The following CRPPA variants were observed in gnomAD, a reference collection of about 807,000 sequenced individuals.
CRPPA encodes the protein D-ribitol-5-phosphate cytidylyltransferase.
CRPPA carries 43 observed loss-of-function variants against 52.0 expected under a neutral mutation model. The ratio of observed to expected loss-of-function variants is 0.83; its 90% CI spans 0.65 to 1.07. The LOEUF (loss-of-function observed/expected upper bound fraction) is 1.07, where lower values mean the gene tolerates loss of function less well. Among genes scored for constraint, CRPPA ranks in the 50% least tolerant of loss-of-function variants. The pLI is 0.00. For missense variants in CRPPA, 629 were observed against 551.7 expected, an observed-to-expected ratio of 1.14 and a Z score of -1.40; for synonymous variants, 250 against 203.5, an observed-to-expected ratio of 1.23 and a Z score of -1.94.
At position 16,421,235 on chromosome 7, in the gene CRPPA, C is replaced by A. The variant is rs1379380979; in HGVS notation, c.88G>T (p.Ala30Ser). The change falls in exon 1 of 10, where the codon GCC becomes TCC. Residue 30 changes from alanine to serine, a missense_variant. Ala to Ser is a moderately conservative substitution (Grantham distance 99). Transcript: ENST00000407010. ...GQRGADHTASASLQSVAGTEP... is the reference protein window; with the variant it reads ...GQRGADHTASSSLQSVAGTEP... The stretch of plus-strand genomic sequence containing the variant: ...GTCCCGGCCACGCTCTGCAGGGAGG[C>A]GGAAGCCGTGTGGTCCGCGCCGCGC... 3.0e-6 allele frequency: 4 copies of A among 1,330,330 alleles called. No individual in the cohort carries two copies. Among genetic ancestry groups the A allele is most frequent in the Non-Finnish European group, 1.9e-6 (2 of 1,033,028 alleles). 82.4% of individuals were successfully genotyped at this position (1,330,330 alleles called of 1,614,324 possible).
intron 3 of CRPPA, among the ~76,000 whole-genome samples, chr7:16,347,535 A>G (rs1206633476): frequency 6.6e-6 from 1 of 152,150 alleles, no homozygotes; most frequent in Non-Finnish European, 1.5e-5. Flanking sequence ...TATAGTCAAG[A>G]AGCAGTCAGG....
intron 9 of CRPPA, among the ~76,000 whole-genome samples, chr7:16,093,454 T>G (rs1384216470): frequency 6.6e-6 from 1 of 152,170 alleles, no homozygotes; most frequent in Non-Finnish European, 1.5e-5. Flanking sequence ...TCCTCAGCTA[T>G]GAGGATGACG....
chr7:16,338,543 G>C (rs193193964), intron 3 of CRPPA, among the ~76,000 whole-genome samples: 2 of 150,256 alleles, frequency 1.3e-5, no homozygotes, highest in East Asian at 3.9e-4. Flanking sequence ...AAGAAAAAAA[G>C]AGGGTAAAAA....
chr7:16,279,306 G>C (rs1048486889), intron 5 of CRPPA, among the ~76,000 whole-genome samples: 10 of 152,024 alleles, frequency 6.6e-5, no homozygotes, highest in African/African-American at 2.4e-4. Flanking sequence ...CCAGTTAATA[G>C]CACTGCTATT....
chr7:16,397,845 G>A (rs1490901963), intron 2 of CRPPA, among the ~76,000 whole-genome samples: 2 of 152,140 alleles, frequency 1.3e-5, no homozygotes, highest in Admixed American at 6.5e-5. Flanking sequence ...GGATCAACAC[G>A]TAATCATCAC....
At chr7:16,403,545 T>C (rs1377031151) in intron 2 of CRPPA, among the ~76,000 whole-genome samples, 1 of 151,932 alleles carries the variant, frequency 6.6e-6, no homozygotes, top group Non-Finnish European at 1.5e-5. Flanking sequence ...AATTAATACC[T>C]AGGAAGAAAA....
intron 9 of CRPPA, among the ~76,000 whole-genome samples, chr7:16,125,138 C>T (rs1852476): frequency 0.5 from 75,524 of 150,838 alleles, 19,318 homozygotes; most frequent in East Asian, 0.78. Context: ...CGCACGCCTG[C>T]AATCCCAGCT....
chr7:16,097,763 A>T (rs1234348298), intron 9 of CRPPA, among the ~76,000 whole-genome samples: 1 of 152,162 alleles, frequency 6.6e-6, no homozygotes, highest in Non-Finnish European at 1.5e-5. Context: ...ATTTTCACAG[A>T]AGATTGGAAA....
chr7:16,363,207 T>C (rs993274900), intron 3 of CRPPA, among the ~76,000 whole-genome samples: 3 of 152,300 alleles, frequency 2.0e-5, no homozygotes, highest in African/African-American at 7.2e-5. Context: ...AATAATGAGA[T>C]ATGACTATAT....
chr7:16,192,879 G>T (rs1658971303), intron 9 of CRPPA, among the ~76,000 whole-genome samples: 1 of 152,184 alleles, frequency 6.6e-6, no homozygotes, highest in South Asian at 2.1e-4. Flanking sequence ...GTCTATATAT[G>T]TGTGGGTCTA....
intron 9 of CRPPA, among the ~76,000 whole-genome samples, chr7:16,156,917 A>G (rs1448405244): frequency 6.6e-6 from 1 of 152,190 alleles, no homozygotes; most frequent in Non-Finnish European, 1.5e-5. Flanking sequence ...GATTCAATAT[A>G]AATAGCAAAA....
At chr7:16,358,075 G>A (rs1011054682) in intron 3 of CRPPA, among the ~76,000 whole-genome samples, 1 of 152,200 alleles carries the variant, frequency 6.6e-6, no homozygotes, top group African/African-American at 2.4e-5. Context: ...CATAGGCCAG[G>A]ACTGGCATGC....
intron 5 of CRPPA, among the ~76,000 whole-genome samples, chr7:16,281,553 C>A (rs951418696): frequency 2.0e-5 from 3 of 151,972 alleles, no homozygotes; most frequent in African/African-American, 7.2e-5. Context: ...AAAAAGTTAG[C>A]CTGTAATTCT....
chr7:16,157,452 A>G (rs753262512), intron 9 of CRPPA, among the ~76,000 whole-genome samples: 11 of 152,234 alleles, frequency 7.2e-5, no homozygotes, highest in Non-Finnish European at 1.5e-4. Context: ...AAAAATGAAA[A>G]GTGAAAAATA....
rs1781753898 is a variant in CRPPA at position 16,088,827 on chromosome 7, C to T, written c.*2868G>A. 1 of 163,628 alleles carries T rather than the reference C, an allele frequency of 6.1e-6. No homozygotes were observed. Among genetic ancestry groups the T allele is most frequent in the Non-Finnish European group, 1.4e-5 (1 of 73,634 alleles). 10.1% of individuals were successfully genotyped at this position (163,628 alleles called of 1,614,324 possible). On this transcript the variant is annotated 3_prime_UTR_variant, in exon 10 of 10. Transcript: ENST00000407010. ...GGGAAGGTGGCTGGAAAGCCAAAAG[C>T]TCCAGGACTTTCACCTAGTCCCTGG...
chr7:16,182,700 T>A (rs1250052637), intron 9 of CRPPA, among the ~76,000 whole-genome samples: 1 of 152,126 alleles, frequency 6.6e-6, no homozygotes, highest in Non-Finnish European at 1.5e-5. Context: ...GATTCCCCAA[T>A]TCTCACTTTG....
At chr7:16,195,335 T>A (rs554678012) in intron 9 of CRPPA, among the ~76,000 whole-genome samples, 1 of 152,258 alleles carries the variant, frequency 6.6e-6, no homozygotes, top group East Asian at 1.9e-4. Flanking sequence ...AAAGGGTTGA[T>A]ATTTAAGTTG....
In CRPPA at chr7:16,110,477, G is replaced by A. The variant is rs147590177; in HGVS notation, c.1252-18678C>T. The stretch of plus-strand genomic sequence containing the variant: ...TTGAATAGCCAAGGCAGCCACGAGC[G>A]AAAAGAGCCAAGCTGAAGGCATCAC... On this transcript the variant is annotated intron_variant, in intron 9 of 9. Coordinates refer to ENST00000407010, the MANE Select transcript of CRPPA (RefSeq NM_001101426.4). Among the ~76,000 whole-genome samples the A allele has an allele frequency of 4.3e-3, 656 of 152,058 alleles. 8 individuals are homozygous for A. Among genetic ancestry groups the A allele is most frequent in the African/African-American group, 0.015 (638 of 41,524 alleles).
At chr7:16,401,724 T>A (rs1449168037) in intron 2 of CRPPA, among the ~76,000 whole-genome samples, 2 of 152,190 alleles carry the variant, frequency 1.3e-5, no homozygotes, top group Non-Finnish European at 2.9e-5. Context: ...ACATTTCCCT[T>A]ATAACAAAGT....
Sources: allele counts gnomAD v4.1 joint callset (sites outside exome capture counted in the v4.1 genomes callset), GRCh38; gene constraint gnomAD v4.1.1; transcripts MANE v1.5; gene names NCBI Gene and HGNC (gene_info 2026-07-23, HGNC 2026-07-21).